The following BLVRB variants were observed in gnomAD, a reference collection of about 807,000 sequenced individuals.
BLVRB encodes flavin reductase (NADPH).
Under a neutral mutation model 21.1 loss-of-function variants are expected in BLVRB, and 25 were observed. That is an observed-to-expected ratio of 1.19 (90% confidence interval 0.86 to 1.66). The LOEUF (loss-of-function observed/expected upper bound fraction) is 1.66. BLVRB is among the 40% of genes most tolerant of loss of function. The pLI is 0.00. For synonymous variants in BLVRB, 128 were observed against 122.2 expected, an observed-to-expected ratio of 1.05 and a Z score of -0.31; for missense variants, 274 against 282.7, an observed-to-expected ratio of 0.97 and a Z score of 0.22.
At chr19:40,452,690 C>A (rs769143057) in intron 3 of BLVRB, among the ~76,000 whole-genome samples, 1 of 151,988 alleles carries the variant, frequency 6.6e-6, no homozygotes, top group East Asian at 1.9e-4. Flanking sequence ...CATGGTGAAA[C>A]CCCATCTCTA....
chr19:40,457,872 A>C, intron 3 of BLVRB: 1 of 411,126 alleles, frequency 2.4e-6, no homozygotes. Context: ...TTGTGGCCCT[A>C]TCCCCTCTGC....
intron 1 of BLVRB, among the ~76,000 whole-genome samples, chr19:40,461,216 T>G (rs2079786181): frequency 6.6e-6 from 1 of 152,102 alleles, no homozygotes; most frequent in South Asian, 2.1e-4. Flanking sequence ...CAACTTTATC[T>G]CCTGGCCTGA....
intron 3 of BLVRB, among the ~76,000 whole-genome samples, chr19:40,454,129 G>A (rs1047998496): frequency 3.3e-4 from 50 of 152,160 alleles, no homozygotes; most frequent in Admixed American, 6.5e-5. Flanking sequence ...ACATGCCTGT[G>A]GTCTCAGCTA....
intron 1 of BLVRB, among the ~76,000 whole-genome samples, chr19:40,464,255 TA>T (rs1476315211): frequency 1.3e-5 from 2 of 148,816 alleles, no homozygotes; most frequent in South Asian, 4.2e-4. Flanking sequence ...CCAGCTAATT[TA>T]TTTTTTTTTT....
At chr19:40,462,743 A>G (rs968992584) in intron 1 of BLVRB, among the ~76,000 whole-genome samples, 1 of 150,824 alleles carries the variant, frequency 6.6e-6, no homozygotes, top group African/African-American at 2.4e-5. Flanking sequence ...TACAAAAAAA[A>G]TTAGCTGGGC....
intron 3 of BLVRB, among the ~76,000 whole-genome samples, chr19:40,455,590 C>T (rs2079758968): frequency 6.6e-6 from 1 of 152,110 alleles, no homozygotes; most frequent in African/African-American, 2.4e-5. Context: ...CCCAGCTACT[C>T]AGGAGGCTGA....
At position 40,465,624 on chromosome 19, in the gene BLVRB, T is replaced by C. The variant is rs148777635; in HGVS notation, c.65A>G (p.Gln22Arg). The change falls in exon 1 of 5, where the codon CAG (glutamine) becomes CGG (arginine). Residue 22 changes from glutamine to arginine, a missense_variant. Gln to Arg is a conservative substitution (Grantham distance 43). Transcript: ENST00000263368. ...TGQTGLTTLAQAVQAGYEVTV... is the reference protein window; with the variant it reads ...TGQTGLTTLARAVQAGYEVTV... ...CCGGCTCATGCCTGCTTGCACCGCC[T>C]GCGCCAGGGTGGTGAGCCCGGTCTG... 122 of 1,612,294 alleles carry C rather than the reference T, an allele frequency of 7.6e-5. No individual in the cohort carries two copies. The highest frequency in any genetic ancestry group is 9.1e-5 in the Non-Finnish European group (107 of 1,179,754).
chr19:40,458,686 T>G (rs2079773815), intron 1 of BLVRB, 141 bp from the exon 2 acceptor site: 3 of 1,191,464 alleles, frequency 2.5e-6, no homozygotes, highest in Non-Finnish European at 3.4e-6. Flanking sequence ...CATTTTTGGT[T>G]TTTTCTTTTT....
At chr19:40,462,053 G>T (rs1288440684) in intron 1 of BLVRB, among the ~76,000 whole-genome samples, 2 of 152,158 alleles carry the variant, frequency 1.3e-5, no homozygotes, top group Non-Finnish European at 2.9e-5. Flanking sequence ...AGGCATTACT[G>T]CCCCAGGGAC....
At chr19:40,458,587 C>T in intron 1 of BLVRB, 42 bp from the exon 2 acceptor site, 1 of 1,529,248 alleles carries the variant, frequency 6.5e-7, no homozygotes, top group Non-Finnish European at 8.8e-7. Context: ...AGTGGGCTGG[C>T]ACTCTTGGGC....
At position 40,451,347 on chromosome 19, in the gene BLVRB, G is replaced by T; in HGVS notation, c.463+17C>A. 1 of 1,592,630 alleles carries T rather than the reference G, an allele frequency of 6.3e-7. No individual in the cohort carries two copies. Among genetic ancestry groups the T allele is most frequent in the East Asian group, 2.3e-5 (1 of 44,300 alleles). On this transcript the variant is annotated intron_variant, in intron 4 of 4. Coordinates refer to ENST00000263368, the MANE Select transcript of BLVRB (RefSeq NM_000713.3). ...AGGCAGATGGCATTGGTGCCACCAGGTCCCTGCCCTGCTTACCTATGTGTG... is the reference window on the plus strand; with the variant it reads ...AGGCAGATGGCATTGGTGCCACCAGTTCCCTGCCCTGCTTACCTATGTGTG...
chr19:40,449,583 A>G (rs57358059), intron 4 of BLVRB, among the ~76,000 whole-genome samples: 7,269 of 152,190 alleles, frequency 0.048, 249 homozygotes, highest in African/African-American at 0.084. Context: ...TGGATACTAA[A>G]TGATATGACA....
chr19:40,451,248 T>C (rs1036793441), intron 4 of BLVRB, 116 bp downstream of exon 4: 3 of 1,440,876 alleles, frequency 2.1e-6, no homozygotes, highest in African/African-American at 2.8e-5. Flanking sequence ...TATGTCACAA[T>C]ATCATAGGAA....
At chr19:40,451,273 G>C in intron 4 of BLVRB, 91 bp downstream of exon 4, 1 of 1,529,132 alleles carries the variant, frequency 6.5e-7, no homozygotes, top group Non-Finnish European at 8.8e-7. Flanking sequence ...TGCAATTTTA[G>C]GGTGGTCAGG....
In BLVRB at chr19:40,465,488, G is replaced by A. The variant is rs1028178193; in HGVS notation, c.79+122C>T. The A allele has an allele frequency of 8.0e-6, 10 of 1,245,296 alleles. No individual in the cohort carries two copies. The African/African-American group carries it at 8.9e-5, about 11-fold the overall frequency. The allele number at this position is 1,245,296 out of a possible 1,614,324, so 77.1% of individuals were successfully genotyped here. The stretch of plus-strand genomic sequence containing the variant: ...CGTGGCCACTTGCTTTGGCCCCTGA[G>A]TCCTCATACACCTGGCTGGGGCGCT... On this transcript the variant is annotated intron_variant, in intron 1 of 4. Coordinates refer to ENST00000263368, the MANE Select transcript of BLVRB (RefSeq NM_000713.3).
intron 1 of BLVRB, among the ~76,000 whole-genome samples, chr19:40,459,552 C>T (rs757525655): frequency 5.3e-5 from 8 of 150,762 alleles, no homozygotes; most frequent in Non-Finnish European, 1.2e-4. Flanking sequence ...GGTTCAGGCA[C>T]GTGCCACCAC....
chr19:40,464,110 G>A (rs1159424291), intron 1 of BLVRB, among the ~76,000 whole-genome samples: 1 of 149,820 alleles, frequency 6.7e-6, no homozygotes, highest in African/African-American at 2.5e-5. Context: ...TTGAGAGACA[G>A]GGTCTCACCC....
chr19:40,464,728 G>A (rs913050903), intron 1 of BLVRB, among the ~76,000 whole-genome samples: 10 of 152,214 alleles, frequency 6.6e-5, no homozygotes, highest in African/African-American at 1.4e-4. Flanking sequence ...TATGGACCTA[G>A]AGAAGAACTT....
At chr19:40,464,047 G>A (rs974289983) in intron 1 of BLVRB, among the ~76,000 whole-genome samples, 5 of 151,652 alleles carry the variant, frequency 3.3e-5, no homozygotes, top group East Asian at 1.9e-4. Flanking sequence ...GATTACAGGC[G>A]TGAGCCACCG....
Sources: allele counts gnomAD v4.1 joint callset (sites outside exome capture counted in the v4.1 genomes callset), GRCh38; gene constraint gnomAD v4.1.1; transcripts MANE v1.5; gene names NCBI Gene and HGNC (gene_info 2026-07-23, HGNC 2026-07-21).